Variants in MDM4 observed in about 807,000 individuals in gnomAD.
The protein encoded by MDM4 is protein Mdm4.
In MDM4, 2 loss-of-function variants were observed where a neutral mutation model predicts 60.2. That is an observed-to-expected ratio of 0.03 (90% CI 0.01 to 0.10). MDM4 has a LOEUF of 0.10. Ranked by LOEUF, MDM4 falls within the 10% of genes least tolerant of loss-of-function variation. The pLI is 1.00. For missense variants in MDM4, 447 were observed against 577.5 expected, an observed-to-expected ratio of 0.77 and a Z score of 2.32; for synonymous variants, 202 against 198.1, an observed-to-expected ratio of 1.02 and a Z score of -0.17.
chr1:204,516,583 C>T (rs765170807), intron 1 of MDM4, 74 bp downstream of exon 1: 1 of 152,286 alleles, frequency 6.6e-6, no homozygotes, highest in Non-Finnish European at 1.5e-5. Flanking sequence ...GGCCGTACCG[C>T]CAGTTGTGCG....
intron 5 of MDM4, chr1:204,536,784 G>T: frequency 5.4e-6 from 1 of 185,274 alleles, no homozygotes; most frequent in Non-Finnish European, 1.1e-5. Flanking sequence ...TTGGCCTTGA[G>T]AAAAACTTTA....
intron 1 of MDM4, among the ~76,000 whole-genome samples, chr1:204,520,015 T>C (rs12136299): frequency 0.57 from 87,123 of 152,000 alleles, 27,530 homozygotes; most frequent in Non-Finnish European, 0.69. Flanking sequence ...CGGTGGCTTA[T>C]GCCTGTAATC....
At chr1:204,542,211 A>G (rs1327600595) in intron 7 of MDM4, among the ~76,000 whole-genome samples, 2 of 152,222 alleles carry the variant, frequency 1.3e-5, no homozygotes, top group South Asian at 2.1e-4. Flanking sequence ...AGTGGTTGTT[A>G]CCTACTAAAA....
chr1:204,532,083 A>G, intron 4 of MDM4, 108 bp from the exon 5 acceptor site: 1 of 665,256 alleles, frequency 1.5e-6, no homozygotes, highest in East Asian at 2.8e-5. Flanking sequence ...CCTTACAGAG[A>G]GACTTGGGAG....
intron 5 of MDM4, 28 bp downstream of exon 5, chr1:204,532,274 G>A (rs143442486): frequency 4.1e-6 from 6 of 1,459,822 alleles, no homozygotes; most frequent in African/African-American, 1.4e-5. Context: ...TCTTCAGTCT[G>A]TATCACAGCT....
At chr1:204,524,667 C>T (rs1014941566) in intron 1 of MDM4, among the ~76,000 whole-genome samples, 1 of 152,184 alleles carries the variant, frequency 6.6e-6, no homozygotes, top group Admixed American at 6.5e-5. Context: ...ATCCCAGCTA[C>T]TCAGGAGGCT....
chr1:204,536,802 C>G (rs529373646), intron 5 of MDM4: 1 of 194,826 alleles, frequency 5.1e-6, no homozygotes, highest in African/African-American at 2.4e-5. Flanking sequence ...TTATTTGCTG[C>G]TGCTTCTTAG....
chr1:204,528,609 C>G (rs1010012910), intron 3 of MDM4, among the ~76,000 whole-genome samples: 2 of 152,212 alleles, frequency 1.3e-5, no homozygotes, highest in Non-Finnish European at 2.9e-5. Flanking sequence ...TCGGGACATT[C>G]AGCTTTCATC....
chr1:204,539,383 C>T (rs1661780361), intron 7 of MDM4, among the ~76,000 whole-genome samples: 1 of 152,102 alleles, frequency 6.6e-6, no homozygotes, highest in African/African-American at 2.4e-5. Flanking sequence ...GTTGAGCACT[C>T]TAAATTTGAA....
At position 204,553,539 on chromosome 1, in the gene MDM4, A is replaced by G. The variant is rs1174080305; in HGVS notation, c.*3857A>G. On this transcript the variant is annotated 3_prime_UTR_variant, in exon 11 of 11. Transcript: ENST00000367182. ...TTGATTGTGAGGAAGGATCTGTGTC[A>G]TTGGAGCTTGTTTCTGCTGCAACGT... 4.4e-6 allele frequency: 1 copy of G among 227,328 alleles called. No homozygotes were observed. Among genetic ancestry groups the G allele is most frequent in the African/African-American group, 2.2e-5 (1 of 45,050 alleles). The allele number at this position is 227,328 out of a possible 1,614,324, so 14.1% of individuals were successfully genotyped here.
At chr1:204,534,967 A>T (rs1661249953) in intron 5 of MDM4, among the ~76,000 whole-genome samples, 1 of 152,108 alleles carries the variant, frequency 6.6e-6, no homozygotes, top group Non-Finnish European at 1.5e-5. Context: ...CTGATTGGTT[A>T]TCTGTTCTGA....
rs540392913 is a variant in MDM4 at position 204,555,662 on chromosome 1, C to G, written c.*5980C>G. 1.2e-5 allele frequency: 2 copies of G among 165,586 alleles called. No individual in the cohort carries two copies. The highest frequency in any genetic ancestry group is 2.6e-5 in the Non-Finnish European group (2 of 75,772). 10.3% of individuals were successfully genotyped at this position (165,586 alleles called of 1,614,324 possible). ...GGTGGATTGCCTGAGCTCAGGAGTT[C>G]GAGACCAGTCTGACCAGTATGGTGA... is the stretch of plus-strand genomic sequence containing the variant. On this transcript the variant is annotated 3_prime_UTR_variant, in exon 11 of 11. Transcript: ENST00000367182.
intron 1 of MDM4, among the ~76,000 whole-genome samples, chr1:204,517,432 T>TG (rs1659099181): frequency 6.6e-6 from 1 of 151,922 alleles, no homozygotes; most frequent in South Asian, 2.1e-4. Flanking sequence ...GAGTGGAGTT[T>TG]CGCTCTTTTT....
At chr1:204,541,350 C>G (rs553937438) in intron 7 of MDM4, among the ~76,000 whole-genome samples, 53 of 152,094 alleles carry the variant, frequency 3.5e-4, no homozygotes, top group Admixed American at 7.9e-4. Flanking sequence ...ACCAGTCGTC[C>G]CAGCTACTCA....
intron 6 of MDM4, 148 bp downstream of exon 6, chr1:204,537,645 G>T: frequency 1.5e-6 from 1 of 646,100 alleles, no homozygotes; most frequent in Non-Finnish European, 2.8e-6. Context: ...GGGACAGAGT[G>T]AACCTTCTCT....
Position 204,553,871 on chromosome 1 carries a change from A to T in MDM4, c.*4189A>T. 1 of 222,112 alleles carries T rather than the reference A, an allele frequency of 4.5e-6. No homozygotes were observed. Among genetic ancestry groups the T allele is most frequent in the East Asian group, 6.6e-5 (1 of 15,114 alleles). The allele number at this position is 222,112 out of a possible 1,614,324, so 13.8% of individuals were successfully genotyped here. A position where few individuals can be genotyped will look rare whatever the true frequency, so the allele number is the denominator to read the frequency against. On this transcript the variant is annotated 3_prime_UTR_variant, in exon 11 of 11. Transcript: ENST00000367182. The stretch of plus-strand genomic sequence containing the variant: ...TGCCATTTCCCCAGTCTACCAATGG[A>T]ATAGTATGGGTTTCTAATCCTAGGC...
intron 5 of MDM4, chr1:204,532,552 T>G (rs1660970282): frequency 3.5e-6 from 2 of 575,170 alleles, no homozygotes; most frequent in Non-Finnish European, 6.0e-6. Flanking sequence ...AATATCATTA[T>G]TACACATAAC....
chr1:204,538,363 T>C, intron 7 of MDM4, 55 bp downstream of exon 7: 2 of 927,060 alleles, frequency 2.2e-6, no homozygotes, highest in Non-Finnish European at 3.5e-6. Flanking sequence ...TTCCAACCTT[T>C]TTATTTTTAA....
chr1:204,528,184 G>A (rs1394623162), intron 3 of MDM4, among the ~76,000 whole-genome samples: 2 of 151,872 alleles, frequency 1.3e-5, no homozygotes, highest in Non-Finnish European at 2.9e-5. Context: ...GGCAAGGAGA[G>A]GTGACCACTG....
Sources: allele counts gnomAD v4.1 joint callset (sites outside exome capture counted in the v4.1 genomes callset), GRCh38; gene constraint gnomAD v4.1.1; transcripts MANE v1.5; gene names NCBI Gene and HGNC (gene_info 2026-07-23, HGNC 2026-07-21).